Variants in LRRK1 observed in about 807,000 individuals in gnomAD.
The protein encoded by LRRK1 is leucine-rich repeat serine/threonine-protein kinase 1.
Under a neutral mutation model 209.1 loss-of-function variants are expected in LRRK1, and 113 were observed. That is an observed-to-expected ratio of 0.54 (90% CI 0.46 to 0.63). The LOEUF is 0.63. Among genes scored for constraint, LRRK1 ranks in the 30% least tolerant of loss-of-function variants. LRRK1 has a pLI of 0.00. For missense variants in LRRK1, 2,284 were observed against 2,632.2 expected (o/e 0.87, Z 2.89); for synonymous variants, 1,144 against 1,099.7 (o/e 1.04, Z -0.80).
Position 101,051,658 on chromosome 15 carries a change from G to A in LRRK1, c.3440-53G>A. On this transcript the variant is annotated intron_variant, in intron 23 of 33. Transcript: ENST00000388948. ...TGGGGTGCAGAGTGCTGCTCGGGGG[G>A]CCCTCCTGCACCACCTTCTTGTGAA... is the stretch of plus-strand genomic sequence containing the variant. 7 of 1,569,224 alleles carry A rather than the reference G, an allele frequency of 4.5e-6. No homozygotes were observed. In the South Asian group the frequency reaches 8.2e-5, roughly 18 times the overall value.
rs78289136 is a variant in LRRK1 at position 100,980,416 on chromosome 15, A to G, written c.262-3112A>G. Among the ~76,000 whole-genome samples, 1,189 of 152,316 alleles carry G rather than the reference A, an allele frequency of 7.8e-3. 16 individuals carry two copies. The highest frequency in any genetic ancestry group is 0.027 in the African/African-American group (1,142 of 41,568). ...TTTGTCAGGGGTTAGAGATGGTGAA[A>G]AGGAAGAGAATGAGTGAGACTACCA... On this transcript the variant is annotated intron_variant, in intron 3 of 33. Transcript: ENST00000388948.
rs763116548 is a variant in LRRK1, at chr15:101,072,756, GAACA to G, written c.*3912_*3915del. 3 of 152,272 alleles carry G rather than the reference GAACA, an allele frequency of 2.0e-5. No individual in the cohort carries two copies. Among genetic ancestry groups the G allele is most frequent in the Non-Finnish European group, 2.9e-5 (2 of 68,094 alleles). The allele number at this position is 152,272 out of a possible 1,614,324, so 9.4% of individuals were successfully genotyped here. On this transcript the variant is annotated 3_prime_UTR_variant, in exon 34 of 34. Transcript: ENST00000388948. ...GCCACCCCCACTCCTGCCCGCCAGA[GAACA>G]AACCCCCTTTTTCCTTTACCTACCC...
intron 6 of LRRK1, among the ~76,000 whole-genome samples, chr15:101,007,564 A>G (rs1020053133): frequency 6.6e-6 from 1 of 152,212 alleles, no homozygotes; most frequent in African/African-American, 2.4e-5. Context: ...CAAGAGCGCC[A>G]GCCACCAGGA....
At chr15:100,993,664 T>C (rs1318485598) in intron 6 of LRRK1, among the ~76,000 whole-genome samples, 1 of 152,224 alleles carries the variant, frequency 6.6e-6, no homozygotes. Context: ...ATTTGTCTCT[T>C]TGCCGTAGGT....
chr15:100,922,592 C>T (rs1488521274), intron 1 of LRRK1, among the ~76,000 whole-genome samples: 1 of 152,156 alleles, frequency 6.6e-6, no homozygotes, highest in Non-Finnish European at 1.5e-5. Flanking sequence ...CTGTGCTTCT[C>T]AGTTTCTGGA....
At chr15:100,939,074 C>A (rs1567189200) in intron 2 of LRRK1, among the ~76,000 whole-genome samples, 1 of 152,176 alleles carries the variant, frequency 6.6e-6, no homozygotes, top group Non-Finnish European at 1.5e-5. Context: ...GCCTGGGCAA[C>A]AAGAGTGAAA....
chr15:100,989,477 A>C (rs751065600), intron 6 of LRRK1, 79 bp downstream of exon 6: 1 of 1,443,592 alleles, frequency 6.9e-7, no homozygotes, highest in South Asian at 1.2e-5. Context: ...TGGGTAATTT[A>C]TAATAAACAG....
Position 100,926,686 on chromosome 15 carries a change from T to C in LRRK1, c.97+1957T>C, listed in dbSNP as rs1338850992. Among the ~76,000 whole-genome samples, 299 of 104,006 alleles carry C rather than the reference T, an allele frequency of 2.9e-3. 5 individuals are homozygous for C. Among genetic ancestry groups the C allele is most frequent in the African/African-American group, 8.3e-3 (264 of 31,728 alleles). The allele number at this position is 104,006 out of a possible 152,430, so 68.2% of individuals were successfully genotyped here. A position where few individuals can be genotyped will look rare whatever the true frequency, so the allele number is the denominator to read the frequency against. On this transcript the variant is annotated intron_variant, in intron 2 of 33. Coordinates refer to ENST00000388948, the MANE Select transcript of LRRK1 (RefSeq NM_024652.6). ...CTTTTTCTTTTCTTTTTTTCTTTTTTTTTTTTTTTTTTTTTTGAGACAGTG... is the reference window on the plus strand; with the variant it reads ...CTTTTTCTTTTCTTTTTTTCTTTTTCTTTTTTTTTTTTTTTTGAGACAGTG...
At chr15:100,968,715 CTTCCTCCCT>C (rs200631948) in intron 2 of LRRK1, among the ~76,000 whole-genome samples, 8,311 of 30,642 alleles carry the variant, frequency 0.27, 327 homozygotes, top group African/African-American at 0.32. Context: ...TCCTTCCTTC[CTTCCTCCCT>C]TCCCTTCCCT....
At chr15:101,021,017 T>C in intron 12 of LRRK1, 36 bp from the exon 13 acceptor site, 1 of 1,612,312 alleles carries the variant, frequency 6.2e-7, no homozygotes, top group Non-Finnish European at 8.5e-7. Context: ...TCCAGAATTA[T>C]TTTTAAATGC....
intron 2 of LRRK1, among the ~76,000 whole-genome samples, chr15:100,928,971 T>C (rs2042162077): frequency 6.6e-6 from 1 of 152,130 alleles, no homozygotes; most frequent in Non-Finnish European, 1.5e-5. Context: ...GCAAGAGGAA[T>C]GGTTGGAAAG....
At position 101,051,783 on chromosome 15, in the gene LRRK1, C is replaced by A; in HGVS notation, c.3512C>A (p.Ala1171Asp). 6.2e-7 allele frequency: 1 copy of A among 1,614,044 alleles called. No individual in the cohort carries two copies. Among genetic ancestry groups the A allele is most frequent in the Non-Finnish European group, 8.5e-7 (1 of 1,180,004 alleles). Residue 1171 changes from alanine (A) to aspartate (D), a missense_variant, in exon 24 of 34, where the codon GCC (alanine) becomes GAC (aspartate). Ala to Asp is a moderately radical substitution (Grantham distance 126). Around this residue, in one of 6 missense-constraint regions of LRRK1, gnomAD observed 780 missense variants for 985.2 expected, o/e 0.79. Coordinates refer to ENST00000388948, the MANE Select transcript of LRRK1 (RefSeq NM_024652.6). Reference protein sequence around the residue: ...QYVPCPVCETAWAQHTDPSEK... With the variant: ...QYVPCPVCETDWAQHTDPSEK... ...GTGCCCTGCCCGGTCTGCGAGACAG[C>A]CTGGGCCCAGCACACGGACCCCAGT...
chr15:100,973,641 G>A (rs1031651452), intron 2 of LRRK1, among the ~76,000 whole-genome samples, 163 bp from the exon 3 acceptor site: 4 of 152,194 alleles, frequency 2.6e-5, no homozygotes, highest in African/African-American at 9.6e-5. Context: ...CGGGTCGCGG[G>A]GCGGCGAGCG....
intron 20 of LRRK1, among the ~76,000 whole-genome samples, chr15:101,034,845 C>T (rs1344442709): frequency 6.6e-6 from 1 of 150,904 alleles, no homozygotes; most frequent in Non-Finnish European, 1.5e-5. Flanking sequence ...GGGAATTTGT[C>T]TGTTTTTTTT....
chr15:100,927,880 A>G (rs1476192550), intron 2 of LRRK1, among the ~76,000 whole-genome samples: 1 of 152,208 alleles, frequency 6.6e-6, no homozygotes, highest in Non-Finnish European at 1.5e-5. Context: ...CCAGGGACTA[A>G]AGCCTACAGT....
chr15:101,020,625 C>T (rs967507438), intron 12 of LRRK1, among the ~76,000 whole-genome samples: 2 of 152,142 alleles, frequency 1.3e-5, no homozygotes, highest in Non-Finnish European at 2.9e-5. Flanking sequence ...CCCCCTACCT[C>T]GGCCTCCCAA....
intron 12 of LRRK1, among the ~76,000 whole-genome samples, chr15:101,020,493 G>GCC (rs370920632): frequency 3.2e-4 from 47 of 148,710 alleles, no homozygotes; most frequent in African/African-American, 1.0e-3. Flanking sequence ...TCCTGCCTCA[G>GCC]CCCCCCCGAG....
intron 20 of LRRK1, among the ~76,000 whole-genome samples, chr15:101,029,959 A>T (rs1567247339): frequency 6.6e-6 from 1 of 152,184 alleles, no homozygotes; most frequent in Admixed American, 6.5e-5. Context: ...TGATTAAATC[A>T]TGAGAGCAAC....
Position 101,056,962 on chromosome 15 carries a change from T to A in LRRK1, c.4439T>A (p.Ile1480Asn), listed in dbSNP as rs377318134. The A allele has an allele frequency of 2.5e-6, 4 of 1,614,048 alleles. No individual in the cohort carries two copies. The African/African-American group carries it at 5.3e-5, about 22-fold the overall frequency. The change falls in exon 28 of 34, where the codon ATC becomes AAC. Residue 1480 changes from isoleucine (I) to asparagine (N), a missense_variant. Coordinates refer to ENST00000388948, the MANE Select transcript of LRRK1 (RefSeq NM_024652.6). ...LQIAKKLSKG[I>N]RPVLGQPEEV... is the part of the protein sequence containing the mutation. ...ATTGCCAAGAAGCTGTCCAAGGGCATCCGCCCGGTTCTGGGGCAGCCGGAG... is the reference window on the plus strand; with the variant it reads ...ATTGCCAAGAAGCTGTCCAAGGGCAACCGCCCGGTTCTGGGGCAGCCGGAG...
Sources: gnomAD v4.1 joint callset for allele counts (sites outside exome capture counted in the v4.1 genomes callset) on GRCh38, gnomAD v4.1.1 for gene constraint, gnomAD v4.1.1 regional missense constraint, MANE v1.5 for transcripts, NCBI Gene and HGNC (gene_info 2026-07-23, HGNC 2026-07-21) for gene names.